FANCB: variants seen among roughly 807,000 people sequenced by gnomAD.
The protein encoded by FANCB is FA complementation group B, also known as Fanconi anemia group B protein.
In FANCB, 5 loss-of-function variants were observed where a neutral mutation model predicts 38.9. That is an observed-to-expected ratio of 0.13 (90% confidence interval 0.07 to 0.27). The LOEUF is 0.27. Ranked by LOEUF, FANCB falls within the 10% of genes least tolerant of loss-of-function variation. The pLI, the probability that FANCB is intolerant of heterozygous loss-of-function variation, is 1.00. For synonymous variants in FANCB, 236 were observed against 215.4 expected, an observed-to-expected ratio of 1.10 and a Z score of -0.84; for missense variants, 573 against 602.7, an observed-to-expected ratio of 0.95 and a Z score of 0.52.
chrX:14,865,387 T>C lies in FANCB; in HGVS notation c.124A>G (p.Ile42Val), dbSNP rs2147447859. 6 of 1,205,482 alleles carry C rather than the reference T, an allele frequency of 5.0e-6. No homozygotes were observed. Among genetic ancestry groups the C allele is most frequent in the Non-Finnish European group, 5.6e-6 (5 of 890,327 alleles). ...AATACCATTCTTCTGACATGTAATA[T>C]GGGTGTTTTTGTAGGCTCTTTATCT... ...FADKEPTKTP[I>V]LHVRRMVFDR... The change falls in exon 3 of 10, where the codon ATA becomes GTA. Residue 42 changes from isoleucine to valine, a missense_variant. Transcript: ENST00000650831.
At chrX:14,769,879 C>A in the FANCB span, among the ~76,000 whole-genome samples, 7 of 112,184 alleles carry the variant, frequency 6.2e-5, no homozygotes, top group African/African-American at 2.3e-4. Context: ...TTTCAAAGAA[C>A]TTCTTGATTT....
intron 2 of FANCB, among the ~76,000 whole-genome samples, chrX:14,866,269 A>C (rs777578736): frequency 2.7e-4 from 30 of 112,435 alleles, no homozygotes; most frequent in African/African-American, 8.7e-4. Context: ...AATTAGAAAA[A>C]ATAGAGGATT....
At chrX:14,811,660 C>A in the FANCB span, among the ~76,000 whole-genome samples, 1 of 111,789 alleles carries the variant, frequency 8.9e-6, no homozygotes, top group Non-Finnish European at 1.9e-5. Flanking sequence ...CACCCAGATT[C>A]ATAAAGGAAG....
In FANCB at chrX:14,857,919, A is replaced by T. The variant is rs199909156; in HGVS notation, c.1140T>A (p.Phe380Leu). ...EPSDCNEDDL[F>L]EDKQENRYLV... ...GGTAACGATTCTCTTGTTTGTCTTC[A>T]AATAAGTCATCTTCATTGCAATCTG... Residue 380 changes from phenylalanine to leucine, a missense_variant, in exon 5 of 10, where the codon TTT becomes TTA. Phe to Leu is a conservative substitution (Grantham distance 22, BLOSUM62 0). Transcript: ENST00000650831. The T allele has an allele frequency of 1.9e-4, 222 of 1,182,568 alleles. No individual in the cohort carries two copies. Among genetic ancestry groups the T allele is most frequent in the Non-Finnish European group, 2.3e-4 (202 of 870,765 alleles).
chrX:14,860,354 T>TGTA (rs2092441582), intron 3 of FANCB, among the ~76,000 whole-genome samples: 1 of 112,238 alleles, frequency 8.9e-6, no homozygotes, highest in Non-Finnish European at 1.9e-5. Flanking sequence ...ACAGCTTTTC[T>TGTA]GTAAACCCAT....
the FANCB span, among the ~76,000 whole-genome samples, chrX:14,814,683 A>T: frequency 1.2e-4 from 13 of 112,312 alleles, no homozygotes; most frequent in African/African-American, 3.2e-4. Context: ...GGTGCTGGAG[A>T]GGATGTGGAG....
chrX:14,833,679 G>C (rs914150751), downstream of FANCB, among the ~76,000 whole-genome samples: 1 of 109,493 alleles, frequency 9.1e-6, no homozygotes, highest in South Asian at 4.0e-4. Flanking sequence ...GGGTGTGGGG[G>C]GGGTTCACAC....
the FANCB span, among the ~76,000 whole-genome samples, chrX:14,806,613 T>C: frequency 0.014 from 1,524 of 111,553 alleles, 25 homozygotes; most frequent in African/African-American, 0.04. Flanking sequence ...TTAGATTTTC[T>C]ACAACCTGAG....
At chrX:14,699,389 G>T in the FANCB span, among the ~76,000 whole-genome samples, 18 of 112,071 alleles carry the variant, frequency 1.6e-4, no homozygotes, top group African/African-American at 5.5e-4. Context: ...TGAGAACATG[G>T]TTATGGCATG....
the FANCB span, among the ~76,000 whole-genome samples, chrX:14,770,338 T>C: frequency 1.8e-5 from 2 of 112,308 alleles, no homozygotes; most frequent in Admixed American, 9.4e-5. Context: ...ATTGGGTGCA[T>C]ATATATTTAG....
At chrX:14,870,228 A>C (rs2092488972) in intron 1 of FANCB, among the ~76,000 whole-genome samples, 1 of 111,907 alleles carries the variant, frequency 8.9e-6, no homozygotes, top group African/African-American at 3.3e-5. Flanking sequence ...AATAACTGGC[A>C]TTTAAAAAAA....
the FANCB span, chrX:14,690,659 TTC>T: frequency 0.046 from 29,098 of 627,967 alleles, no homozygotes; most frequent in Non-Finnish European, 0.051. Flanking sequence ...TAGTCTTTCT[TTC>T]TCTCTCTCTC....
chrX:14,841,084 T>C (rs1224781971), downstream of FANCB, among the ~76,000 whole-genome samples: 3 of 112,088 alleles, frequency 2.7e-5, no homozygotes, highest in African/African-American at 6.5e-5. Flanking sequence ...GTAACCAATA[T>C]AGAAAGTCCA....
chrX:14,797,276 T>C, the FANCB span, among the ~76,000 whole-genome samples: 1 of 111,876 alleles, frequency 8.9e-6, no homozygotes, highest in African/African-American at 3.3e-5. Flanking sequence ...GCAGGTTGGC[T>C]GGCTTTCCCC....
chrX:14,828,849 C>A, the FANCB span, among the ~76,000 whole-genome samples: 1 of 111,221 alleles, frequency 9.0e-6, no homozygotes, highest in Non-Finnish European at 1.9e-5. Context: ...GTAGCTGGGA[C>A]CACAGATGTG....
intron 7 of FANCB, among the ~76,000 whole-genome samples, chrX:14,849,576 T>C (rs750158429): frequency 5.3e-5 from 6 of 112,375 alleles, no homozygotes; most frequent in Admixed American, 2.8e-4. Flanking sequence ...GCATGCACAA[T>C]ACTTCTCTAT....
chrX:14,747,807 T>G, the FANCB span, among the ~76,000 whole-genome samples: 1 of 112,464 alleles, frequency 8.9e-6, no homozygotes, highest in African/African-American at 3.2e-5. Flanking sequence ...AGTTTCTTCT[T>G]CATGCGTGGA....
At chrX:14,753,869 C>T in the FANCB span, among the ~76,000 whole-genome samples, 2 of 112,102 alleles carry the variant, frequency 1.8e-5, no homozygotes, top group East Asian at 2.8e-4. Context: ...TTATAATCTA[C>T]CACAGCAGGC....
At chrX:14,809,143 T>C in the FANCB span, among the ~76,000 whole-genome samples, 14 of 112,178 alleles carry the variant, frequency 1.2e-4, no homozygotes, top group Admixed American at 1.2e-3. Flanking sequence ...GCAAGCCCTA[T>C]CAATACCAAC....
Sources: allele counts gnomAD v4.1 joint callset (sites outside exome capture counted in the v4.1 genomes callset), GRCh38; gene constraint gnomAD v4.1.1; transcripts MANE v1.5; gene names NCBI Gene and HGNC (gene_info 2026-07-23, HGNC 2026-07-21).